The following PDGFB variants were observed in gnomAD, a reference collection of about 807,000 sequenced individuals.
PDGFB encodes platelet-derived growth factor subunit B.
PDGFB carries 6 observed loss-of-function variants against 29.0 expected under a neutral mutation model. That is an observed-to-expected ratio of 0.21 (90% CI 0.11 to 0.41). PDGFB has a LOEUF of 0.41. Among genes scored for constraint, PDGFB ranks in the 10% least tolerant of loss-of-function variants. PDGFB has a pLI of 1.00. For synonymous variants in PDGFB, 144 were observed against 140.8 expected (o/e 1.02, Z -0.16); for missense variants, 299 against 341.8 (o/e 0.87, Z 0.99).
chr22:39,231,534 C>T lies in PDGFB; in HGVS notation c.456+88G>A. On this transcript the variant is annotated intron_variant, in intron 4 of 6. Transcript: ENST00000331163. The surrounding 1 kb of genome is among the most constrained non-coding windows in gnomAD (Gnocchi z 4.3). ...CCTTCGACACACCACTCTGCCCAGT[C>T]AAGGAAGCCTGGTCAGGTATGAGCC... The T allele has an allele frequency of 1.0e-6, 1 of 1,003,646 alleles. No individual in the cohort carries two copies. The highest frequency in any genetic ancestry group is 1.6e-5 in the African/African-American group (1 of 62,074). 62.2% of individuals were successfully genotyped at this position (1,003,646 alleles called of 1,614,324 possible).
Position 39,244,040 on chromosome 22 carries a change from C to G in PDGFB, c.-77G>C. The G allele has an allele frequency of 7.0e-6, 2 of 284,464 alleles. No individual in the cohort carries two copies. Among genetic ancestry groups the G allele is most frequent in the Non-Finnish European group, 1.5e-5 (2 of 136,534 alleles). 17.6% of individuals were successfully genotyped at this position (284,464 alleles called of 1,614,324 possible). A position where few individuals can be genotyped will look rare whatever the true frequency, so the allele number is the denominator to read the frequency against. Reference sequence around the variant, plus strand: ...CCGCCCCCGCGGCCAGGGTGGGGGGCTGGGGAGGGGGGTGGGCTCGGCTCG... The same window carrying G: ...CCGCCCCCGCGGCCAGGGTGGGGGGGTGGGGAGGGGGGTGGGCTCGGCTCG... On this transcript the variant is annotated 5_prime_UTR_variant, in exon 1 of 7. Coordinates refer to ENST00000331163, the MANE Select transcript of PDGFB (RefSeq NM_002608.4). This position sits in a 1 kb window ranked among gnomAD's most constrained non-coding sequence, Gnocchi z 4.5.
At position 39,242,237 on chromosome 22, in the gene PDGFB, T is replaced by C. The variant is rs1932584404; in HGVS notation, c.63+1664A>G. On this transcript the variant is annotated intron_variant, in intron 1 of 6. Transcript: ENST00000331163. The surrounding 1 kb of genome is among the most constrained non-coding windows in gnomAD (Gnocchi z 5.7). ...GGCCGCGGTAGTGCGTGCCCGTCGC[T>C]CTGCGCGCCCGCCCGCCGGAGCGCA... is the stretch of plus-strand genomic sequence containing the variant. 4.8e-6 allele frequency: 1 copy of C among 208,898 alleles called. No individual in the cohort carries two copies. The highest frequency in any genetic ancestry group is 9.7e-6 in the Non-Finnish European group (1 of 102,726). The allele number at this position is 208,898 out of a possible 1,614,324, so 12.9% of individuals were successfully genotyped here. A position where few individuals can be genotyped will look rare whatever the true frequency, so the allele number is the denominator to read the frequency against.
At chr22:39,228,627 G>A (rs1433055550) in intron 5 of PDGFB, among the ~76,000 whole-genome samples, 1 of 152,108 alleles carries the variant, frequency 6.6e-6, no homozygotes, top group African/African-American at 2.4e-5. Flanking sequence ...GGTGGCTCAC[G>A]CCTGTAATCC....
intron 1 of PDGFB, among the ~76,000 whole-genome samples, chr22:39,239,317 T>G (rs1055955656): frequency 6.6e-6 from 1 of 151,008 alleles, no homozygotes; most frequent in Non-Finnish European, 1.5e-5. Context: ...CATTATCCCT[T>G]GTGCTGGGCC....
Position 39,231,630 on chromosome 22 carries a change from G to T in PDGFB, c.448C>A (p.Pro150Thr). The change falls in exon 4 of 7, where the codon CCT (proline) becomes ACT (threonine). Residue 150 changes from proline (P) to threonine (T), a missense_variant. Transcript: ENST00000331163. The surrounding 1 kb of genome is among the most constrained non-coding windows in gnomAD (Gnocchi z 4.3). ...QCRPTQVQLR[P>T]VQVRKIEIVR... ...CCGCGGAGCCTACGCACCTGGACAG[G>T]TCGCAGCTGCACCTGGGTGGGGCGG... 1.3e-6 allele frequency: 2 copies of T among 1,565,740 alleles called. No individual in the cohort carries two copies. The highest frequency in any genetic ancestry group is 8.6e-7 in the Non-Finnish European group (1 of 1,156,746).
At chr22:39,225,416 G>A (rs928846004) in intron 6 of PDGFB, 103 bp from the exon 7 acceptor site, 14 of 264,138 alleles carry the variant, frequency 5.3e-5, no homozygotes, top group Non-Finnish European at 8.6e-5. Flanking sequence ...GGGTCAACTA[G>A]CCACCCCTGA....
In PDGFB at chr22:39,231,582, C is replaced by T; in HGVS notation, c.456+40G>A. On this transcript the variant is annotated intron_variant, in intron 4 of 6. Transcript: ENST00000331163. This position sits in a 1 kb window ranked among gnomAD's most constrained non-coding sequence, Gnocchi z 4.3. ...GCCCCAGAAGGGTGGTCTCCACCCA[C>T]CACCGGGACCAGCCTCGGGGGGCCG... The T allele has an allele frequency of 6.8e-7, 1 of 1,460,534 alleles. No homozygotes were observed. The highest frequency in any genetic ancestry group is 1.3e-5 in the South Asian group (1 of 77,722). The allele number at this position is 1,460,534 out of a possible 1,614,324, so 90.5% of individuals were successfully genotyped here. A position where few individuals can be genotyped will look rare whatever the true frequency, so the allele number is the denominator to read the frequency against.
chr22:39,229,660 G>A (rs1041583051), intron 5 of PDGFB, among the ~76,000 whole-genome samples: 6 of 152,182 alleles, frequency 3.9e-5, no homozygotes, highest in African/African-American at 9.7e-5. Context: ...TGGAAATGGC[G>A]CTGCTCTGGA....
At chr22:39,230,291 G>A (rs900922242) in intron 4 of PDGFB, 63 bp from the exon 5 acceptor site, 7 of 1,566,022 alleles carry the variant, frequency 4.5e-6, no homozygotes, top group South Asian at 1.1e-5. Flanking sequence ...CGGGAAGCCC[G>A]AATGGCTTGC....
At chr22:39,240,796 G>C (rs1457471471) in intron 1 of PDGFB, 1 of 1,588,582 alleles carries the variant, frequency 6.3e-7, no homozygotes, top group Non-Finnish European at 8.6e-7. Context: ...AGGAAGAGTT[G>C]TCACAGAAGA....
chr22:39,243,296 C>T lies in PDGFB; in HGVS notation c.63+605G>A, dbSNP rs1932616872. ...TCTTTCTCTCTCTCTCTCTCTCTCT[C>T]CCTGTTACTCCCACCCCAAACCCCG... On this transcript the variant is annotated intron_variant, in intron 1 of 6. Transcript: ENST00000331163. This position sits in a 1 kb window ranked among gnomAD's most constrained non-coding sequence, Gnocchi z 6.4. 6.6e-6 allele frequency among the ~76,000 whole-genome samples: 1 copy of T among 151,618 alleles called. No individual in the cohort carries two copies.
chr22:39,231,700 C>T lies in PDGFB; in HGVS notation c.378G>A (p.Glu126=). The T allele has an allele frequency of 4.4e-6, 7 of 1,607,586 alleles. No individual in the cohort carries two copies. Among genetic ancestry groups the T allele is most frequent in the Non-Finnish European group, 5.9e-6 (7 of 1,177,568 alleles). Residue 126 remains glutamate (E), a synonymous_variant, in exon 4 of 7, where the codon GAG becomes GAA. Transcript: ENST00000331163. This position sits in a 1 kb window ranked among gnomAD's most constrained non-coding sequence, Gnocchi z 4.3. ...TGCAGCAGCCGGAGCAGCGCTGCAC[C>T]TCCACACAGGGCGGCCACACCAGGA... is the stretch of plus-strand genomic sequence containing the variant. ...ANFLVWPPCV[E]VQRCSGCCNN...
Position 39,243,551 on chromosome 22 carries a change from C to T in PDGFB, c.63+350G>A, listed in dbSNP as rs1932621707. Among the ~76,000 whole-genome samples the T allele has an allele frequency of 6.6e-6, 1 of 152,136 alleles. No homozygotes were observed. Among genetic ancestry groups the T allele is most frequent in the African/African-American group, 2.4e-5 (1 of 41,448 alleles). On this transcript the variant is annotated intron_variant, in intron 1 of 6. Coordinates refer to ENST00000331163, the MANE Select transcript of PDGFB (RefSeq NM_002608.4). The surrounding 1 kb of genome is among the most constrained non-coding windows in gnomAD (Gnocchi z 6.4). Reference sequence around the variant, plus strand: ...GAAGTGGGCTCGGGAGGACGCGCTGCCTTCTGCACCCTGGGCACCACCCCA... The same window carrying T: ...GAAGTGGGCTCGGGAGGACGCGCTGTCTTCTGCACCCTGGGCACCACCCCA...
At chr22:39,230,479 C>G (rs1569135549) in intron 4 of PDGFB, among the ~76,000 whole-genome samples, 2 of 152,282 alleles carry the variant, frequency 1.3e-5, no homozygotes, top group African/African-American at 2.4e-5. Context: ...CAGAGAGGGA[C>G]AGCCAGAAAG....
intron 4 of PDGFB, among the ~76,000 whole-genome samples, chr22:39,230,965 G>A (rs1231635369): frequency 6.6e-6 from 1 of 152,248 alleles, no homozygotes; most frequent in Non-Finnish European, 1.5e-5. Context: ...AGACCAGGGT[G>A]CTCCCTGAGA....
chr22:39,226,611 G>A (rs1326966821), intron 5 of PDGFB, among the ~76,000 whole-genome samples: 1 of 152,234 alleles, frequency 6.6e-6, no homozygotes, highest in African/African-American at 2.4e-5. Context: ...AAAGCTCCAA[G>A]TATGAAGTGG....
At chr22:39,240,732 G>T (rs1244849228) in intron 1 of PDGFB, 4 of 1,171,464 alleles carry the variant, frequency 3.4e-6, no homozygotes, top group Non-Finnish European at 3.9e-6. Context: ...CTCTAATGGG[G>T]TTGACACTCC....
intron 2 of PDGFB, among the ~76,000 whole-genome samples, chr22:39,234,452 CA>C (rs1324668203): frequency 2.0e-5 from 3 of 152,306 alleles, no homozygotes; most frequent in African/African-American, 7.2e-5. Context: ...AACTAAGGGG[CA>C]TTGGGAACAC....
intron 1 of PDGFB, among the ~76,000 whole-genome samples, chr22:39,237,162 T>A (rs987574182): frequency 2.0e-5 from 3 of 152,030 alleles, no homozygotes; most frequent in African/African-American, 7.2e-5. Flanking sequence ...CTCAGCCCTG[T>A]GGCCAGCCTC....
Sources: allele counts gnomAD v4.1 joint callset (sites outside exome capture counted in the v4.1 genomes callset), GRCh38; gene constraint gnomAD v4.1.1; non-coding constraint Gnocchi (gnomAD v3.1); transcripts MANE v1.5; gene names NCBI Gene and HGNC (gene_info 2026-07-23, HGNC 2026-07-21).